EFCAB6: variants seen among roughly 807,000 people sequenced by gnomAD.
The protein encoded by EFCAB6 is EF-hand calcium-binding domain-containing protein 6.
EFCAB6 carries 156 observed loss-of-function variants against 169.8 expected under a neutral mutation model. That is an observed-to-expected ratio of 0.92 (90% confidence interval 0.81 to 1.05). The LOEUF (loss-of-function observed/expected upper bound fraction) is 1.05. EFCAB6 is among the 50% of genes least tolerant of loss of function. The pLI is 0.00. For synonymous variants in EFCAB6, 698 were observed against 676.4 expected, an observed-to-expected ratio of 1.03 and a Z score of -0.50; for missense variants, 1,800 against 1,829.1, an observed-to-expected ratio of 0.98 and a Z score of 0.29.
chr22:43,766,376 G>A (rs924178471), intron 4 of EFCAB6, among the ~76,000 whole-genome samples: 1 of 152,060 alleles, frequency 6.6e-6, no homozygotes, highest in Non-Finnish European at 1.5e-5. Flanking sequence ...TACATTGTTT[G>A]TGTATGTTGT....
chr22:43,575,714 G>A (rs575824417), intron 26 of EFCAB6, among the ~76,000 whole-genome samples: 26 of 152,178 alleles, frequency 1.7e-4, no homozygotes, highest in African/African-American at 5.3e-4. Context: ...AAACCACAGT[G>A]TTTAGGAACC....
In EFCAB6 at chr22:43,772,946, G is replaced by A. The variant is rs1366606023; in HGVS notation, c.297C>T (p.Ile99=). ...TVSKSELRRI[I]TDFLMPLTRE... Reference sequence around the variant, plus strand: ...GTGTGAGCGGCATCAGGAAGTCTGTGATGATTCTTCTCAGTTCACTTTTTG... The same window carrying A: ...GTGTGAGCGGCATCAGGAAGTCTGTAATGATTCTTCTCAGTTCACTTTTTG... Residue 99 remains isoleucine, a synonymous_variant, in exon 4 of 32, where the codon ATC becomes ATT. Coordinates refer to ENST00000262726, the MANE Select transcript of EFCAB6 (RefSeq NM_022785.4). 1 of 1,614,186 alleles carries A rather than the reference G, an allele frequency of 6.2e-7. No homozygotes were observed. Among genetic ancestry groups the A allele is most frequent in the Non-Finnish European group, 8.5e-7 (1 of 1,180,024 alleles).
chr22:43,687,529 A>G lies in EFCAB6; in HGVS notation c.1084T>C (p.Phe362Leu). Residue 362 changes from phenylalanine to leucine, a missense_variant, in exon 11 of 32, where the codon TTT becomes CTT. Physicochemically the swap from Phe to Leu is conservative, Grantham distance 22. Transcript: ENST00000262726. ...KINWKQFLTS[F>L]HEPQGLQVSS... ...ACTTGCAACCCCTGAGGCTCATGAA[A>G]TGATGTTAGAAATTGCTTCCAATTG... 1 of 1,607,400 alleles carries G rather than the reference A, an allele frequency of 6.2e-7. No individual in the cohort carries two copies. The highest frequency in any genetic ancestry group is 1.1e-5 in the South Asian group (1 of 88,612).
intron 27 of EFCAB6, among the ~76,000 whole-genome samples, chr22:43,548,760 G>C (rs2048220872): frequency 6.6e-6 from 1 of 151,866 alleles, no homozygotes. Context: ...GAGACAAAAA[G>C]GACAACGAGT....
chr22:43,624,676 G>C (rs1471067007), intron 20 of EFCAB6, among the ~76,000 whole-genome samples: 1 of 152,174 alleles, frequency 6.6e-6, no homozygotes, highest in African/African-American at 2.4e-5. Flanking sequence ...CTGTTCCTGT[G>C]GCACTTGGGT....
chr22:43,540,536 G>C, intron 27 of EFCAB6, 179 bp from the exon 28 acceptor site: 1 of 1,525,592 alleles, frequency 6.6e-7, no homozygotes, highest in African/African-American at 1.4e-5. Context: ...GGAGGCCTCA[G>C]GAAGACTCTG....
At chr22:43,775,733 C>T (rs367641616) in intron 3 of EFCAB6, among the ~76,000 whole-genome samples, 17 of 152,302 alleles carry the variant, frequency 1.1e-4, no homozygotes, top group South Asian at 4.2e-4. Flanking sequence ...CGTGAGCCAC[C>T]GCACCCGGCC....
At chr22:43,741,831 C>T (rs2060381586) in intron 6 of EFCAB6, among the ~76,000 whole-genome samples, 1 of 152,160 alleles carries the variant, frequency 6.6e-6, no homozygotes, top group Non-Finnish European at 1.5e-5. Flanking sequence ...TCCACCCTGC[C>T]ATCTTGGTTT....
intron 12 of EFCAB6, among the ~76,000 whole-genome samples, chr22:43,682,123 C>A (rs138866079): frequency 6.6e-6 from 1 of 152,158 alleles, no homozygotes; most frequent in African/African-American, 2.4e-5. Flanking sequence ...CTTACCTAGT[C>A]CCCTCCGTAG....
intron 2 of EFCAB6, among the ~76,000 whole-genome samples, chr22:43,806,314 A>G (rs981259276): frequency 8.6e-5 from 13 of 151,778 alleles, no homozygotes; most frequent in African/African-American, 3.1e-4. Flanking sequence ...CAGTGGTGCA[A>G]TCTTGGCTCA....
intron 17 of EFCAB6, among the ~76,000 whole-genome samples, chr22:43,661,914 C>T (rs1424765874): frequency 6.6e-6 from 1 of 152,028 alleles, no homozygotes; most frequent in Admixed American, 6.5e-5. Flanking sequence ...GTCAGGAGTT[C>T]GCGACCAGCC....
chr22:43,743,852 A>T (rs1025285946), intron 6 of EFCAB6, among the ~76,000 whole-genome samples: 4 of 152,156 alleles, frequency 2.6e-5, no homozygotes, highest in Non-Finnish European at 5.9e-5. Context: ...TGGATCAATG[A>T]ATAACTGTTA....
At chr22:43,689,214 GC>G (rs1358067799) in intron 10 of EFCAB6, among the ~76,000 whole-genome samples, 5 of 151,902 alleles carry the variant, frequency 3.3e-5, no homozygotes, top group African/African-American at 4.8e-5. Flanking sequence ...TTGCGGGGGG[GC>G]GCAGGGCCGG....
chr22:43,651,216 C>T (rs2056451234), intron 17 of EFCAB6, among the ~76,000 whole-genome samples: 1 of 152,188 alleles, frequency 6.6e-6, no homozygotes, highest in African/African-American at 2.4e-5. Flanking sequence ...ATAGGCTGGG[C>T]CCAGGGTCCC....
At chr22:43,801,861 C>T (rs547746530) in intron 2 of EFCAB6, among the ~76,000 whole-genome samples, 1 of 152,256 alleles carries the variant, frequency 6.6e-6, no homozygotes, top group South Asian at 2.1e-4. Context: ...TAAGTTCTTA[C>T]TCATCAACAA....
intron 8 of EFCAB6, among the ~76,000 whole-genome samples, chr22:43,730,088 C>T (rs575813852): frequency 6.7e-6 from 1 of 148,922 alleles, no homozygotes; most frequent in Non-Finnish European, 1.5e-5. Flanking sequence ...TGCTTGTGCC[C>T]AAAGTGCTGG....
intron 9 of EFCAB6, among the ~76,000 whole-genome samples, chr22:43,712,115 ATCCTT>A (rs895750439): frequency 6.6e-6 from 1 of 152,160 alleles, no homozygotes; most frequent in African/African-American, 2.4e-5. Flanking sequence ...TTCTTTAATC[ATCCTT>A]TTCTTTTTTT....
At chr22:43,758,571 A>G (rs1003960029) in intron 5 of EFCAB6, among the ~76,000 whole-genome samples, 2 of 152,204 alleles carry the variant, frequency 1.3e-5, no homozygotes, top group African/African-American at 4.8e-5. Context: ...TTTAACTCTA[A>G]ACTTTTTATT....
At chr22:43,732,085 A>T (rs964188107) in intron 7 of EFCAB6, among the ~76,000 whole-genome samples, 1 of 152,208 alleles carries the variant, frequency 6.6e-6, no homozygotes, top group African/African-American at 2.4e-5. Flanking sequence ...ACCCCAACCT[A>T]GACAGCACCT....
Sources: allele counts gnomAD v4.1 joint callset (sites outside exome capture counted in the v4.1 genomes callset), GRCh38; gene constraint gnomAD v4.1.1; transcripts MANE v1.5; gene names NCBI Gene and HGNC (gene_info 2026-07-23, HGNC 2026-07-21).